TYR: variants seen among roughly 807,000 people sequenced by gnomAD.
The protein encoded by TYR is tyrosinase.
A neutral mutation model predicts 51.5 loss-of-function variants in TYR; 58 were observed. The ratio of observed to expected loss-of-function variants is 1.13; its 90% confidence interval spans 0.91 to 1.40. TYR has a LOEUF of 1.40. TYR is among the 40% of genes most tolerant of loss of function. The probability of loss-of-function intolerance (pLI) is 0.00; values close to 1 mark genes in which losing one functional copy is unlikely to be tolerated. For synonymous variants in TYR, 263 were observed against 235.2 expected (o/e 1.12, Z -1.08); for missense variants, 732 against 647.4 (o/e 1.13, Z -1.42).
At chr11:89,247,022 T>G (rs1944275568) in intron 3 of TYR, among the ~76,000 whole-genome samples, 2 of 152,210 alleles carry the variant, frequency 1.3e-5, no homozygotes, top group South Asian at 4.1e-4. Context: ...ACTGTTGGAT[T>G]GTGACCAGCT....
intron 2 of TYR, among the ~76,000 whole-genome samples, chr11:89,207,721 A>G (rs1943690349): frequency 6.6e-6 from 1 of 151,014 alleles, no homozygotes; most frequent in African/African-American, 2.5e-5. Context: ...ATTGACGAAT[A>G]TAATTCAGCT....
intron 3 of TYR, among the ~76,000 whole-genome samples, chr11:89,277,239 TAAA>T (rs979537423): frequency 3.3e-5 from 5 of 151,558 alleles, no homozygotes; most frequent in African/African-American, 1.2e-4. Flanking sequence ...ATGAAAAAAA[TAAA>T]TAATAATAAA....
intron 3 of TYR, among the ~76,000 whole-genome samples, chr11:89,266,338 G>A (rs1341663771): frequency 6.6e-6 from 1 of 151,914 alleles, no homozygotes. Context: ...AAGCATTTGA[G>A]TTCATAGATA....
intron 2 of TYR, among the ~76,000 whole-genome samples, chr11:89,217,289 T>A (rs1943843742): frequency 6.6e-6 from 1 of 152,214 alleles, no homozygotes; most frequent in Non-Finnish European, 1.5e-5. Context: ...AACAAACGTA[T>A]GCCAAAATCT....
intron 1 of TYR, among the ~76,000 whole-genome samples, chr11:89,180,978 G>GC (rs1273464988): frequency 6.6e-6 from 1 of 152,136 alleles, no homozygotes; most frequent in Admixed American, 6.6e-5. Context: ...AAAAACTGTT[G>GC]CAAGGTTTTT....
intron 4 of TYR, among the ~76,000 whole-genome samples, chr11:89,287,819 T>C (rs1944808326): frequency 6.6e-6 from 1 of 151,922 alleles, no homozygotes; most frequent in African/African-American, 2.4e-5. Flanking sequence ...AATGCTATTA[T>C]AAGAGTCTGA....
intron 3 of TYR, among the ~76,000 whole-genome samples, chr11:89,228,349 C>T (rs909219476): frequency 7.9e-5 from 12 of 152,170 alleles, no homozygotes; most frequent in Non-Finnish European, 1.5e-4. Context: ...CCATTGGCTA[C>T]AGGATGCCCT....
chr11:89,214,731 C>T (rs939860034), intron 2 of TYR, among the ~76,000 whole-genome samples: 1 of 151,838 alleles, frequency 6.6e-6, no homozygotes, highest in Non-Finnish European at 1.5e-5. Flanking sequence ...AGGTCAGACC[C>T]ACTGAAATAG....
Position 89,178,185 on chromosome 11 carries a change from G to C in TYR, c.232G>C (p.Glu78Gln), listed in dbSNP as rs61753186. ...TCCCTTCACAGGGGTGGATGACCGG[G>C]AGTCGTGGCCTTCCGTCTTTTATAA... is the stretch of plus-strand genomic sequence containing the variant. ...QFPFTGVDDR[E>Q]SWPSVFYNRT... The change falls in exon 1 of 5, where the codon GAG (glutamate) becomes CAG (glutamine). Residue 78 changes from glutamate (E) to glutamine (Q), a missense_variant. Glu to Gln is a conservative substitution (Grantham distance 29). Coordinates refer to ENST00000263321, the MANE Select transcript of TYR (RefSeq NM_000372.5). 3 of 1,614,172 alleles carry C rather than the reference G, an allele frequency of 1.9e-6. No individual in the cohort carries two copies. In the South Asian group the frequency reaches 3.3e-5, roughly 18 times the overall value.
At chr11:89,183,169 A>G (rs892940526) in intron 1 of TYR, among the ~76,000 whole-genome samples, 1 of 152,086 alleles carries the variant, frequency 6.6e-6, no homozygotes, top group Non-Finnish European at 1.5e-5. Flanking sequence ...GTTTATTGCT[A>G]TTTCTTTAAA....
intron 1 of TYR, among the ~76,000 whole-genome samples, chr11:89,181,375 G>C (rs1390345867): frequency 1.3e-5 from 2 of 152,196 alleles, no homozygotes; most frequent in African/African-American, 4.8e-5. Flanking sequence ...CCAGCACTGA[G>C]AATCATTGAG....
chr11:89,285,406 A>AC (rs779849954), intron 4 of TYR, among the ~76,000 whole-genome samples: 3 of 151,764 alleles, frequency 2.0e-5, no homozygotes, highest in Non-Finnish European at 4.4e-5. Context: ...TTTTGGAATC[A>AC]TTTTTGGAAG....
chr11:89,201,800 C>T (rs1407645791), intron 2 of TYR, among the ~76,000 whole-genome samples: 3 of 152,098 alleles, frequency 2.0e-5, no homozygotes, highest in Admixed American at 6.6e-5. Context: ...GGTCTGTTGG[C>T]CCCATTTTGT....
intron 3 of TYR, among the ~76,000 whole-genome samples, chr11:89,269,944 GTCTA>G (rs1384464212): frequency 1.3e-5 from 2 of 151,854 alleles, no homozygotes; most frequent in African/African-American, 4.8e-5. Flanking sequence ...AAAGTAGGCT[GTCTA>G]TCTACTACCG....
intron 3 of TYR, among the ~76,000 whole-genome samples, chr11:89,262,244 A>T (rs1944465412): frequency 6.6e-6 from 1 of 152,042 alleles, no homozygotes; most frequent in African/African-American, 2.4e-5. Context: ...TTTTTAGTAG[A>T]GACAGGGTTT....
At chr11:89,193,044 A>G (rs376116931) in intron 2 of TYR, among the ~76,000 whole-genome samples, 1 of 152,168 alleles carries the variant, frequency 6.6e-6, no homozygotes, top group East Asian at 1.9e-4. Context: ...AAGGCAAGAC[A>G]TAATGCCAGG....
chr11:89,286,471 G>A (rs1435658251), intron 4 of TYR, among the ~76,000 whole-genome samples: 2 of 151,758 alleles, frequency 1.3e-5, no homozygotes, highest in African/African-American at 4.8e-5. Context: ...ACTCTATGAA[G>A]TAGGTATCAT....
chr11:89,213,707 CT>C (rs763108579), intron 2 of TYR, among the ~76,000 whole-genome samples: 5 of 152,040 alleles, frequency 3.3e-5, no homozygotes, highest in Non-Finnish European at 7.4e-5. Context: ...CAAGGCTACA[CT>C]AACCAAAACA....
At chr11:89,212,739 C>T (rs576605030) in intron 2 of TYR, among the ~76,000 whole-genome samples, 1 of 152,238 alleles carries the variant, frequency 6.6e-6, no homozygotes, top group African/African-American at 2.4e-5. Context: ...GCTTATCCAC[C>T]ACAATCAAGT....
Sources: gnomAD v4.1 joint callset for allele counts (sites outside exome capture counted in the v4.1 genomes callset) on GRCh38, gnomAD v4.1.1 for gene constraint, MANE v1.5 for transcripts, NCBI Gene and HGNC (gene_info 2026-07-23, HGNC 2026-07-21) for gene names.